Variants in HERC3 observed in about 807,000 individuals in gnomAD.
HERC3 encodes the protein probable E3 ubiquitin-protein ligase HERC3.
A neutral mutation model predicts 129.9 loss-of-function variants in HERC3; 58 were observed. The ratio of observed to expected loss-of-function variants is 0.45; its 90% CI spans 0.36 to 0.56. HERC3 has a LOEUF of 0.56. HERC3 is among the 20% of genes least tolerant of loss of function. The pLI, the probability that HERC3 is intolerant of heterozygous loss-of-function variation, is 0.00. For synonymous variants in HERC3, 430 were observed against 451.0 expected (o/e 0.95, Z 0.59); for missense variants, 835 against 1,244.2 (o/e 0.67, Z 4.95).
chr4:88,679,503 G>A lies in HERC3; in HGVS notation c.2197-590G>A, dbSNP rs1476315675. 3.4e-5 allele frequency among the ~76,000 whole-genome samples: 5 copies of A among 149,150 alleles called. No individual in the cohort carries two copies. The East Asian group carries it at 5.9e-4, about 18-fold the overall frequency. Reference sequence around the variant, plus strand: ...GCTTCTTTTATGTTTGTCTTTCTGCGCTTAAGTAGATGGTAGACCTTTTTT... The same window carrying A: ...GCTTCTTTTATGTTTGTCTTTCTGCACTTAAGTAGATGGTAGACCTTTTTT... On this transcript the variant is annotated intron_variant, in intron 19 of 25. Coordinates refer to ENST00000402738, the MANE Select transcript of HERC3 (RefSeq NM_014606.3).
intron 10 of HERC3, among the ~76,000 whole-genome samples, 184 bp from the exon 11 acceptor site, chr4:88,662,247 G>T (rs572324563): frequency 6.6e-6 from 1 of 152,260 alleles, no homozygotes; most frequent in Non-Finnish European, 1.5e-5. Flanking sequence ...CCAAGTCCTG[G>T]ACAGCAACCC....
intron 23 of HERC3, among the ~76,000 whole-genome samples, chr4:88,702,118 G>A (rs1051608409): frequency 6.6e-6 from 1 of 152,136 alleles, no homozygotes; most frequent in Admixed American, 6.5e-5. Context: ...TTACATTAAT[G>A]TCTTTGTTTT....
the HERC3 span, among the ~76,000 whole-genome samples, chr4:88,537,256 T>C: frequency 6.6e-6 from 1 of 152,224 alleles, no homozygotes; most frequent in Non-Finnish European, 1.5e-5. Flanking sequence ...GGATGAGACA[T>C]GACTTTTAGT....
chr4:88,548,137 A>C, the HERC3 span, among the ~76,000 whole-genome samples: 21 of 152,284 alleles, frequency 1.4e-4, no homozygotes, highest in African/African-American at 5.1e-4. Context: ...ATTTTTGCCT[A>C]TTATGAATAA....
intron 16 of HERC3, among the ~76,000 whole-genome samples, chr4:88,671,156 G>A (rs893671721): frequency 6.6e-6 from 1 of 152,064 alleles, no homozygotes; most frequent in Non-Finnish European, 1.5e-5. Flanking sequence ...ATATATGCAA[G>A]GCTCTTTAGG....
the HERC3 span, among the ~76,000 whole-genome samples, chr4:88,534,070 T>C: frequency 6.6e-6 from 1 of 152,338 alleles, no homozygotes; most frequent in South Asian, 2.1e-4. Context: ...TGAATATGCA[T>C]ATGAGTCACC....
At chr4:88,556,401 C>A in the HERC3 span, among the ~76,000 whole-genome samples, 1 of 152,130 alleles carries the variant, frequency 6.6e-6, no homozygotes, top group African/African-American at 2.4e-5. Context: ...TTAACAGAAA[C>A]AAATACTCTT....
At chr4:88,706,317 T>C (rs1735775776) in intron 25 of HERC3, among the ~76,000 whole-genome samples, 1 of 152,122 alleles carries the variant, frequency 6.6e-6, no homozygotes, top group Non-Finnish European at 1.5e-5. Flanking sequence ...TCTAACATAA[T>C]GTTTGGGTCA....
At chr4:88,556,581 T>C in the HERC3 span, among the ~76,000 whole-genome samples, 1 of 152,202 alleles carries the variant, frequency 6.6e-6, no homozygotes. Context: ...TCCTATAAAT[T>C]CTACCTCTTC....
intron 9 of HERC3, among the ~76,000 whole-genome samples, chr4:88,657,904 G>A (rs552684015): frequency 1.3e-5 from 2 of 152,106 alleles, no homozygotes; most frequent in African/African-American, 4.8e-5. Flanking sequence ...GGCAGCAGAG[G>A]GGGGAGGCAC....
the HERC3 span, among the ~76,000 whole-genome samples, chr4:88,580,167 G>A: frequency 1.2e-3 from 188 of 152,310 alleles, no homozygotes; most frequent in African/African-American, 4.3e-3. Context: ...ATGATTGGAC[G>A]AAAGGAGAAG....
chr4:88,650,008 G>A lies in HERC3; in HGVS notation c.386+9G>A. 1 of 1,603,280 alleles carries A rather than the reference G, an allele frequency of 6.2e-7. No homozygotes were observed. Among genetic ancestry groups the A allele is most frequent in the Non-Finnish European group, 8.5e-7 (1 of 1,172,906 alleles). On this transcript the variant is annotated intron_variant, in intron 4 of 25. Coordinates refer to ENST00000402738, the MANE Select transcript of HERC3 (RefSeq NM_014606.3). Reference sequence around the variant, plus strand: ...TCTGTGGCAGTGCCCAGGTAAGAAGGTTTTCAAATGTCAGTCGTTTTAAAT... The same window carrying A: ...TCTGTGGCAGTGCCCAGGTAAGAAGATTTTCAAATGTCAGTCGTTTTAAAT...
intron 3 of HERC3, among the ~76,000 whole-genome samples, chr4:88,615,753 C>CA (rs1308764575): frequency 6.6e-6 from 1 of 152,112 alleles, no homozygotes; most frequent in Non-Finnish European, 1.5e-5. Context: ...AGTAAACACT[C>CA]AATTAGTACT....
intron 14 of HERC3, among the ~76,000 whole-genome samples, chr4:88,669,499 A>G (rs1382817164): frequency 2.0e-5 from 3 of 152,176 alleles, no homozygotes; most frequent in Non-Finnish European, 2.9e-5. Flanking sequence ...GGATTTAGTG[A>G]TGGCTGAAAG....
intron 3 of HERC3, among the ~76,000 whole-genome samples, chr4:88,609,112 CA>C (rs35489177): frequency 0.28 from 25,220 of 89,676 alleles, 2,087 homozygotes; most frequent in South Asian, 0.39. Context: ...CATACAGATG[CA>C]AAAAAAAAAA....
intron 18 of HERC3, among the ~76,000 whole-genome samples, chr4:88,677,323 C>T (rs970015863): frequency 6.6e-6 from 1 of 152,046 alleles, no homozygotes; most frequent in Non-Finnish European, 1.5e-5. Context: ...TTTAAATACA[C>T]ATTTTTATTA....
the HERC3 span, among the ~76,000 whole-genome samples, chr4:88,538,324 G>A: frequency 6.6e-6 from 1 of 152,280 alleles, no homozygotes; most frequent in African/African-American, 2.4e-5. Context: ...GGAGTATCGT[G>A]GCAATAGCTG....
chr4:88,703,000 T>A (rs1019327720), intron 23 of HERC3, among the ~76,000 whole-genome samples: 3 of 152,246 alleles, frequency 2.0e-5, no homozygotes, highest in Non-Finnish European at 4.4e-5. Flanking sequence ...CAGCCTGCTA[T>A]AAGTCAGACT....
At chr4:88,622,436 C>T (rs754786189) in intron 3 of HERC3, among the ~76,000 whole-genome samples, 2 of 152,046 alleles carry the variant, frequency 1.3e-5, no homozygotes. Flanking sequence ...AATAATGCTG[C>T]TGTGAACGTT....
Sources: allele counts gnomAD v4.1 joint callset (sites outside exome capture counted in the v4.1 genomes callset), GRCh38; gene constraint gnomAD v4.1.1; transcripts MANE v1.5; gene names NCBI Gene and HGNC (gene_info 2026-07-23, HGNC 2026-07-21).